CEP85L: variants seen among roughly 807,000 people sequenced by gnomAD.
The protein encoded by CEP85L is centrosomal protein 85L, also known as centrosomal protein of 85 kDa-like.
A neutral mutation model predicts 100.3 loss-of-function variants in CEP85L; 60 were observed. The ratio of observed to expected loss-of-function variants is 0.60; its 90% CI spans 0.49 to 0.74. The LOEUF (loss-of-function observed/expected upper bound fraction) is 0.74. Among genes scored for constraint, CEP85L ranks in the 30% least tolerant of loss-of-function variants. The pLI is 0.00. For missense variants in CEP85L, 973 were observed against 936.2 expected (o/e 1.04, Z -0.51); for synonymous variants, 319 against 322.7 (o/e 0.99, Z 0.12).
chr6:118,591,953 CA>C, intron 2 of CEP85L, among the ~76,000 whole-genome samples: 1 of 152,132 alleles, frequency 6.6e-6, no homozygotes, highest in East Asian at 1.9e-4. Context: ...ACTTGATTTA[CA>C]AAAGAATGTA....
chr6:118,565,710 A>G lies in CEP85L; in HGVS notation c.839T>C (p.Leu280Pro), dbSNP rs766531737. Reference protein sequence around the residue: ...EAFEPPKYLMLGQQAVGGVPI... With the variant: ...EAFEPPKYLMPGQQAVGGVPI... ...AACTCCACCTACTGCCTGTTGACCAAGCATTAAATATTTTGGAGGTTCAAA... is the reference window on the plus strand; with the variant it reads ...AACTCCACCTACTGCCTGTTGACCAGGCATTAAATATTTTGGAGGTTCAAA... The change falls in exon 3 of 13, where the codon CTT (leucine) becomes CCT (proline). Residue 280 changes from leucine (L) to proline (P), a missense_variant. By Grantham distance (98) the Leu-to-Pro change is moderately conservative. Coordinates refer to ENST00000368491, the MANE Select transcript of CEP85L (RefSeq NM_001042475.3). 1 of 1,614,190 alleles carries G rather than the reference A, an allele frequency of 6.2e-7. No individual in the cohort carries two copies. The highest frequency in any genetic ancestry group is 1.7e-5 in the Admixed American group (1 of 60,028).
Position 118,465,484 on chromosome 6 carries a change from C to A in CEP85L, c.2339G>T (p.Arg780Leu). 6.2e-7 allele frequency: 1 copy of A among 1,613,662 alleles called. No homozygotes were observed. The highest frequency in any genetic ancestry group is 8.5e-7 in the Non-Finnish European group (1 of 1,179,662). Reference sequence around the variant, plus strand: ...AGTCCTTAATTCATCAATGTCTCTTCGTAACTGGCACACATCTGACAGCTT... The same window carrying A: ...AGTCCTTAATTCATCAATGTCTCTTAGTAACTGGCACACATCTGACAGCTT... Reference protein sequence around the residue: ...TKKLSDVCQLRRDIDELRTTI... With the variant: ...TKKLSDVCQLLRDIDELRTTI... Residue 780 changes from arginine (R) to leucine (L), a missense_variant, in exon 13 of 13, where the codon CGA (arginine) becomes CTA (leucine). Around this residue, in one of 3 missense-constraint regions of CEP85L, gnomAD observed 890 missense variants for 844.5 expected, o/e 1.05. Transcript: ENST00000368491.
At chr6:118,579,479 T>C (rs1248582396) in intron 2 of CEP85L, among the ~76,000 whole-genome samples, 1 of 152,198 alleles carries the variant, frequency 6.6e-6, no homozygotes, top group East Asian at 1.9e-4. Context: ...CTCACACTAG[T>C]TTCAACTTAA....
At chr6:118,686,750 C>T (rs1583259680) in intron 1 of CEP85L, among the ~76,000 whole-genome samples, 1 of 152,308 alleles carries the variant, frequency 6.6e-6, no homozygotes, top group South Asian at 2.1e-4. Context: ...TCCACCTGCT[C>T]ATGGAAAAGA....
chr6:118,630,512 T>G (rs1046052728), intron 2 of CEP85L, among the ~76,000 whole-genome samples: 1 of 152,196 alleles, frequency 6.6e-6, no homozygotes, highest in African/African-American at 2.4e-5. Context: ...TCCTCATAAT[T>G]GCCAAAACCT....
chr6:118,482,003 G>C (rs1382039945), intron 7 of CEP85L, 70 bp from the exon 8 acceptor site: 4 of 839,130 alleles, frequency 4.8e-6, no homozygotes, highest in Non-Finnish European at 6.6e-6. Context: ...AACTGTTACT[G>C]TGTTGGCAAG....
intron 10 of CEP85L, among the ~76,000 whole-genome samples, chr6:118,473,582 TC>T (rs1773128839): frequency 6.6e-6 from 1 of 151,940 alleles, no homozygotes; most frequent in Admixed American, 6.6e-5. Flanking sequence ...AAAATGAGGA[TC>T]CACTGAAGAG....
At chr6:118,597,645 AAAAAG>A (rs1235424272) in intron 2 of CEP85L, among the ~76,000 whole-genome samples, 2 of 152,264 alleles carry the variant, frequency 1.3e-5, no homozygotes, top group African/African-American at 4.8e-5. Context: ...TTCAAAGAAT[AAAAAG>A]AAAAGACAGT....
chr6:118,489,555 C>T (rs1774412815), intron 6 of CEP85L, among the ~76,000 whole-genome samples: 1 of 152,130 alleles, frequency 6.6e-6, no homozygotes, highest in Non-Finnish European at 1.5e-5. Context: ...TGAAAAGATG[C>T]TCAACATCAC....
rs1181101381 is a variant in CEP85L at position 118,464,594 on chromosome 6, G to GTA, written c.*809_*810dup. On this transcript the variant is annotated 3_prime_UTR_variant, in exon 13 of 13. Coordinates refer to ENST00000368491, the MANE Select transcript of CEP85L (RefSeq NM_001042475.3). ...TATGGCTTTGTTTACATTTATATAT[G>GTA]TATATATATAAAACATATAAATAAA... 2.0e-5 allele frequency: 3 copies of GTA among 151,484 alleles called. No individual in the cohort carries two copies. The highest frequency in any genetic ancestry group is 4.4e-5 in the Non-Finnish European group (3 of 67,872). 9.4% of individuals were successfully genotyped at this position (151,484 alleles called of 1,614,324 possible).
intron 2 of CEP85L, among the ~76,000 whole-genome samples, chr6:118,605,695 T>C (rs1036299194): frequency 6.6e-6 from 1 of 151,286 alleles, no homozygotes; most frequent in Non-Finnish European, 1.5e-5. Context: ...GAAGTTATCT[T>C]AGGGCCTCTC....
chr6:118,641,860 A>C (rs1583213026), intron 1 of CEP85L, among the ~76,000 whole-genome samples: 2 of 152,190 alleles, frequency 1.3e-5, no homozygotes, highest in Non-Finnish European at 2.9e-5. Context: ...TAGATCTGAC[A>C]GTAATATGTC....
At chr6:118,515,716 T>A (rs1776234006) in intron 4 of CEP85L, among the ~76,000 whole-genome samples, 1 of 152,200 alleles carries the variant, frequency 6.6e-6, no homozygotes. Flanking sequence ...CCAAACAAAT[T>A]AAAATTTGTA....
intron 3 of CEP85L, chr6:118,564,910 G>C (rs1445289670): frequency 1.3e-5 from 2 of 151,890 alleles, no homozygotes; most frequent in Non-Finnish European, 2.9e-5. Flanking sequence ...GACCAACTGG[G>C]GGCTGTATAC....
At chr6:118,647,684 T>C (rs1295660079) in intron 1 of CEP85L, among the ~76,000 whole-genome samples, 1 of 152,108 alleles carries the variant, frequency 6.6e-6, no homozygotes, top group Non-Finnish European at 1.5e-5. Flanking sequence ...TTAAAAAAAT[T>C]ATTTACGAAA....
intron 1 of CEP85L, among the ~76,000 whole-genome samples, chr6:118,677,683 T>G (rs1217525115): frequency 1.3e-5 from 2 of 152,172 alleles, no homozygotes; most frequent in African/African-American, 4.8e-5. Context: ...TCATTAATGA[T>G]CCTTCTTCTT....
At chr6:118,613,932 A>G (rs1004629037) in intron 2 of CEP85L, among the ~76,000 whole-genome samples, 13 of 152,156 alleles carry the variant, frequency 8.5e-5, no homozygotes, top group African/African-American at 3.1e-4. Flanking sequence ...AGTACCTGAG[A>G]AAAAAACTAC....
At chr6:118,543,948 C>T (rs986879544) in intron 3 of CEP85L, among the ~76,000 whole-genome samples, 10 of 152,104 alleles carry the variant, frequency 6.6e-5, no homozygotes, top group African/African-American at 2.4e-4. Context: ...GTTGGTCAGG[C>T]TATGAGAACA....
intron 2 of CEP85L, among the ~76,000 whole-genome samples, chr6:118,619,400 A>C (rs928587836): frequency 2.0e-5 from 3 of 152,166 alleles, no homozygotes; most frequent in Non-Finnish European, 2.9e-5. Flanking sequence ...GAAATCCCTT[A>C]TGTACAGGCT....
Sources: gnomAD v4.1 joint callset for allele counts (sites outside exome capture counted in the v4.1 genomes callset) on GRCh38, gnomAD v4.1.1 for gene constraint, gnomAD v4.1.1 regional missense constraint, MANE v1.5 for transcripts, NCBI Gene and HGNC (gene_info 2026-07-23, HGNC 2026-07-21) for gene names.